STK39: variants seen among roughly 807,000 people sequenced by gnomAD.
STK39 encodes the protein serine/threonine kinase 39.
Under a neutral mutation model 77.8 loss-of-function variants are expected in STK39, and 20 were observed. The observed-to-expected ratio is 0.26, with a 90% CI of 0.18 to 0.37. The LOEUF (loss-of-function observed/expected upper bound fraction) is 0.37, where lower values mean the gene tolerates loss of function less well. Among genes scored for constraint, STK39 ranks in the 10% least tolerant of loss-of-function variants. The pLI, the probability that STK39 is intolerant of heterozygous loss-of-function variation, is 1.00. For missense variants in STK39, 479 were observed against 656.5 expected (o/e 0.73, Z 2.95); for synonymous variants, 246 against 234.1 (o/e 1.05, Z -0.47).
At chr2:168,087,225 G>A (rs772822379) in intron 10 of STK39, among the ~76,000 whole-genome samples, 2 of 152,214 alleles carry the variant, frequency 1.3e-5, no homozygotes, top group Non-Finnish European at 2.9e-5. Context: ...GCAGAAGAAA[G>A]AGGGGTGGCG....
At chr2:167,987,494 T>TAC (rs1283675968) in intron 16 of STK39, among the ~76,000 whole-genome samples, 2 of 152,048 alleles carry the variant, frequency 1.3e-5, no homozygotes, top group African/African-American at 4.8e-5. Flanking sequence ...CAAAAATATA[T>TAC]ATATATAATA....
chr2:168,147,140 TA>T (rs1688160279), intron 5 of STK39, among the ~76,000 whole-genome samples: 1 of 152,248 alleles, frequency 6.6e-6, no homozygotes, highest in Admixed American at 6.5e-5. Context: ...AAGTTGTGAT[TA>T]CCCAACACAG....
At chr2:168,099,203 A>G (rs1483672062) in intron 10 of STK39, among the ~76,000 whole-genome samples, 1 of 152,226 alleles carries the variant, frequency 6.6e-6, no homozygotes, top group Non-Finnish European at 1.5e-5. Flanking sequence ...CAAGAGAGAC[A>G]ATAATAAAAT....
At chr2:168,027,026 AT>A (rs1456499685) in intron 14 of STK39, among the ~76,000 whole-genome samples, 1 of 152,188 alleles carries the variant, frequency 6.6e-6, no homozygotes. Flanking sequence ...ATATGTTGAA[AT>A]GTTTTTTATA....
chr2:168,115,259 T>A (rs951968570), intron 10 of STK39, among the ~76,000 whole-genome samples: 1 of 152,212 alleles, frequency 6.6e-6, no homozygotes, highest in Non-Finnish European at 1.5e-5. Context: ...AAATACCATA[T>A]GCTAGGCACT....
Position 168,159,872 on chromosome 2 carries a change from CT to C in STK39, c.628+1914del, listed in dbSNP as rs561315456. Among the ~76,000 whole-genome samples the C allele has an allele frequency of 8.2e-4, 125 of 152,372 alleles. 1 individual carries two copies. The highest frequency in any genetic ancestry group is 9.6e-4 in the Non-Finnish European group (65 of 68,040). The stretch of plus-strand genomic sequence containing the variant: ...ACAGCCCTCTCTACACATCAATTCA[CT>C]TAATTCCCACACCTACCCTGTGCAG... On this transcript the variant is annotated intron_variant, in intron 5 of 17. Transcript: ENST00000355999.
chr2:168,040,478 G>T (rs1028855813), intron 14 of STK39, among the ~76,000 whole-genome samples: 1 of 152,170 alleles, frequency 6.6e-6, no homozygotes, highest in South Asian at 2.1e-4. Flanking sequence ...TCTTCATGTG[G>T]ATGAAAAATG....
chr2:168,166,369 A>G lies in STK39; in HGVS notation c.430+930T>C, dbSNP rs1351214095. On this transcript the variant is annotated intron_variant, in intron 3 of 17. Transcript: ENST00000355999. The stretch of plus-strand genomic sequence containing the variant: ...AAGATTAAAAGAAATAAAATACAGG[A>G]TGTGAAAGCACCTTGTAAATTAAAT... Among the ~76,000 whole-genome samples, 6 of 152,224 alleles carry G rather than the reference A, an allele frequency of 3.9e-5. No homozygotes were observed. The East Asian group carries it at 9.6e-4, about 24-fold the overall frequency.
intron 5 of STK39, among the ~76,000 whole-genome samples, chr2:168,145,574 A>G (rs1688115072): frequency 6.6e-6 from 1 of 152,224 alleles, no homozygotes; most frequent in South Asian, 2.1e-4. Flanking sequence ...AGTTGGCAAC[A>G]AATTCATTTT....
intron 10 of STK39, among the ~76,000 whole-genome samples, chr2:168,112,401 T>C (rs1385228531): frequency 6.6e-6 from 1 of 151,894 alleles, no homozygotes; most frequent in Admixed American, 6.6e-5. Flanking sequence ...ATGGGGGTGG[T>C]TTCCCCCATG....
At position 168,012,639 on chromosome 2, in the gene STK39, AC is replaced by A. The variant is rs1163087091; in HGVS notation, c.1492del (p.Val498LeufsTer2). 1 of 1,613,616 alleles carries A rather than the reference AC, an allele frequency of 6.2e-7. No individual in the cohort carries two copies. Among genetic ancestry groups the A allele is most frequent in the Non-Finnish European group, 8.5e-7 (1 of 1,179,720 alleles). On this transcript the variant is annotated frameshift_variant, in exon 16 of 18. Coordinates refer to ENST00000355999, the MANE Select transcript of STK39 (RefSeq NM_013233.3). LOFTEE classifies it high-confidence loss of function. ...CATACTAAAAAACAATTTACCTATA[AC>A]TACATCGTGACCATCCACCAAGCCA... is the stretch of plus-strand genomic sequence containing the variant. ...SAGLVDGHDV[V>X]IVAANLQKIV...
intron 16 of STK39, among the ~76,000 whole-genome samples, chr2:167,966,617 G>GTA (rs1559036919): frequency 6.6e-6 from 1 of 152,180 alleles, no homozygotes; most frequent in African/African-American, 2.4e-5. Context: ...CGGTGTACAC[G>GTA]TATATATACA....
intron 10 of STK39, among the ~76,000 whole-genome samples, chr2:168,124,439 T>C (rs1362464244): frequency 1.3e-5 from 2 of 152,086 alleles, no homozygotes; most frequent in Admixed American, 6.6e-5. Flanking sequence ...CTCGATCTGT[T>C]GCCCAGGATA....
chr2:168,150,701 A>G (rs67130159), intron 5 of STK39, among the ~76,000 whole-genome samples: 62,614 of 150,738 alleles, frequency 0.42, 14,683 homozygotes, highest in East Asian at 0.67. Context: ...GGCAATAACC[A>G]CATTACCTTT....
At chr2:168,074,943 A>C in intron 12 of STK39, 39 bp downstream of exon 12, 1 of 1,607,312 alleles carries the variant, frequency 6.2e-7, no homozygotes, top group Non-Finnish European at 8.5e-7. Flanking sequence ...CAAGAAAGGA[A>C]TGAAATGGCA....
chr2:168,051,571 A>C (rs1685395797), intron 14 of STK39, among the ~76,000 whole-genome samples: 2 of 152,186 alleles, frequency 1.3e-5, no homozygotes, highest in African/African-American at 4.8e-5. Context: ...CCTGGCTACA[A>C]TGCTGTGGAA....
chr2:168,069,015 C>G (rs1455729548), intron 12 of STK39, among the ~76,000 whole-genome samples: 3 of 152,174 alleles, frequency 2.0e-5, no homozygotes, highest in Non-Finnish European at 4.4e-5. Flanking sequence ...CTCCTGGGTT[C>G]AAGCGATTCT....
chr2:168,095,635 T>TTTC (rs1224010228), intron 10 of STK39, among the ~76,000 whole-genome samples: 27 of 148,606 alleles, frequency 1.8e-4, no homozygotes, highest in Non-Finnish European at 3.6e-4. Flanking sequence ...TTTTTTTTTT[T>TTTC]TTTTTTTTTA....
intron 14 of STK39, among the ~76,000 whole-genome samples, chr2:168,030,662 A>G (rs1162713018): frequency 6.6e-6 from 1 of 152,196 alleles, no homozygotes; most frequent in African/African-American, 2.4e-5. Context: ...CTGCAAGATA[A>G]TTAAATTTGA....
Sources: gnomAD v4.1 joint callset for allele counts (sites outside exome capture counted in the v4.1 genomes callset) on GRCh38, gnomAD v4.1.1 for gene constraint, MANE v1.5 for transcripts, NCBI Gene and HGNC (gene_info 2026-07-23, HGNC 2026-07-21) for gene names.